The following DMXL2 variants were observed in gnomAD, a reference collection of about 807,000 sequenced individuals.
The protein encoded by DMXL2 is Dmx like 2, also known as dmX-like protein 2.
DMXL2 carries 103 observed loss-of-function variants against 331.1 expected under a neutral mutation model. That is an observed-to-expected ratio of 0.31 (90% CI 0.27 to 0.37). The LOEUF is 0.37. DMXL2 is among the 10% of genes least tolerant of loss of function. DMXL2 has a pLI of 1.00. For synonymous variants in DMXL2, 1,281 were observed against 1,252.1 expected (o/e 1.02, Z -0.49); for missense variants, 3,171 against 3,642.9 (o/e 0.87, Z 3.33).
rs147357773 is a variant in DMXL2, at chr15:51,496,120, C to T, written c.4673-986G>A. Among the ~76,000 whole-genome samples, 251 of 152,228 alleles carry T rather than the reference C, an allele frequency of 1.6e-3. 1 individual carries two copies. Among genetic ancestry groups the T allele is most frequent in the African/African-American group, 5.9e-3 (244 of 41,548 alleles). On this transcript the variant is annotated intron_variant, in intron 18 of 43. Coordinates refer to ENST00000560891, the MANE Select transcript of DMXL2 (RefSeq NM_001378457.1). ...TTAACCTCCCAAAGTGCTGCCATTA[C>T]AGGTGTGAGCCACCATGCTCATTCG...
At chr15:51,540,358 G>T (rs1218406203) in intron 9 of DMXL2, among the ~76,000 whole-genome samples, 1 of 152,146 alleles carries the variant, frequency 6.6e-6, no homozygotes, top group Non-Finnish European at 1.5e-5. Context: ...TACAGCTATG[G>T]AGGCAAATTC....
intron 19 of DMXL2, among the ~76,000 whole-genome samples, chr15:51,492,291 G>C (rs899783100): frequency 2.0e-5 from 3 of 152,214 alleles, no homozygotes; most frequent in African/African-American, 7.2e-5. Context: ...CGATTCCAGT[G>C]CCACTACCCC....
At chr15:51,532,329 A>G (rs2048046147) in intron 13 of DMXL2, among the ~76,000 whole-genome samples, 1 of 152,174 alleles carries the variant, frequency 6.6e-6, no homozygotes, top group Non-Finnish European at 1.5e-5. Context: ...GCTAAAAATC[A>G]AAACAACTGG....
intron 13 of DMXL2, among the ~76,000 whole-genome samples, chr15:51,532,133 A>G (rs1245215908): frequency 6.6e-6 from 1 of 152,106 alleles, no homozygotes; most frequent in Non-Finnish European, 1.5e-5. Flanking sequence ...AGTATCCATC[A>G]ACAGATGAAT....
At chr15:51,519,030 C>T (rs2047194220) in intron 13 of DMXL2, among the ~76,000 whole-genome samples, 3 of 151,984 alleles carry the variant, frequency 2.0e-5, no homozygotes, top group African/African-American at 7.3e-5. Flanking sequence ...TGTAAACAAT[C>T]CATAATGAGC....
At position 51,480,698 on chromosome 15, in the gene DMXL2, G is replaced by A; in HGVS notation, c.6408C>T (p.Ala2136=). Residue 2136 remains alanine (A), a synonymous_variant, in exon 24 of 44, where the codon GCC becomes GCT. Transcript: ENST00000560891. ...TTCGTCTTTCTGCATGCTCTCGTTT[G>A]GCCTGCAATCTTCTTCTTTCTATTT... ...RHQIERRRLQ[A]KREHAERRKS... 6.2e-7 allele frequency: 1 copy of A among 1,611,350 alleles called. No homozygotes were observed. The highest frequency in any genetic ancestry group is 8.5e-7 in the Non-Finnish European group (1 of 1,178,262).
chr15:51,565,087 C>T lies in DMXL2; in HGVS notation c.364+1G>A. 6.6e-7 allele frequency: 1 copy of T among 1,512,544 alleles called. No individual in the cohort carries two copies. The highest frequency in any genetic ancestry group is 8.8e-7 in the Non-Finnish European group (1 of 1,131,502). 93.7% of individuals were successfully genotyped at this position (1,512,544 alleles called of 1,614,324 possible). ...TAATTTTAAATACAATTGCTAAATA[C>T]CTTGAGGATCCCATGCTAAGTTGTA... On this transcript the variant is annotated splice_donor_variant, in intron 4 of 43. Coordinates refer to ENST00000560891, the MANE Select transcript of DMXL2 (RefSeq NM_001378457.1). LOFTEE classifies it high-confidence loss of function.
intron 13 of DMXL2, among the ~76,000 whole-genome samples, chr15:51,519,940 T>C (rs1365354428): frequency 6.6e-6 from 1 of 152,134 alleles, no homozygotes; most frequent in Non-Finnish European, 1.5e-5. Context: ...CACCCAGCCC[T>C]GAACTACGTT....
rs1366081826 is a variant in DMXL2, at chr15:51,448,940, T to C, written c.*44A>G. On this transcript the variant is annotated 3_prime_UTR_variant, in exon 44 of 44. Coordinates refer to ENST00000560891, the MANE Select transcript of DMXL2 (RefSeq NM_001378457.1). ...CAGAATTGCCTAGTGATGACTGTAG[T>C]GTGCCTTTTAACTGAAATGTATATA... 3 of 1,574,448 alleles carry C rather than the reference T, an allele frequency of 1.9e-6. No homozygotes were observed. Among genetic ancestry groups the C allele is most frequent in the Non-Finnish European group, 2.6e-6 (3 of 1,150,832 alleles).
chr15:51,476,159 ACT>A (rs2041565120), intron 27 of DMXL2, among the ~76,000 whole-genome samples: 3 of 152,156 alleles, frequency 2.0e-5, no homozygotes, highest in African/African-American at 7.2e-5. Flanking sequence ...GAAAAAAAGG[ACT>A]GTCAGACAGC....
intron 26 of DMXL2, among the ~76,000 whole-genome samples, chr15:51,477,924 A>G (rs1244388229): frequency 6.6e-6 from 1 of 152,108 alleles, no homozygotes; most frequent in East Asian, 1.9e-4. Context: ...AATTAGTTAA[A>G]TAGCTGCTAA....
intron 13 of DMXL2, among the ~76,000 whole-genome samples, chr15:51,521,974 A>G (rs901037782): frequency 3.3e-5 from 5 of 152,170 alleles, no homozygotes; most frequent in African/African-American, 1.2e-4. Context: ...AGCACACACT[A>G]TACCACCCTA....
intron 1 of DMXL2, among the ~76,000 whole-genome samples, chr15:51,614,455 G>A (rs1477125582): frequency 6.6e-6 from 1 of 152,142 alleles, no homozygotes; most frequent in Non-Finnish European, 1.5e-5. Flanking sequence ...GAAAATTTGA[G>A]AACCACCTGT....
chr15:51,490,895 A>T (rs1267403987), intron 20 of DMXL2, among the ~76,000 whole-genome samples: 1 of 152,256 alleles, frequency 6.6e-6, no homozygotes, highest in Non-Finnish European at 1.5e-5. Context: ...TACTTATTCA[A>T]CTAGTGATGC....
At chr15:51,525,103 T>C (rs1156698248) in intron 13 of DMXL2, among the ~76,000 whole-genome samples, 2 of 151,626 alleles carry the variant, frequency 1.3e-5, no homozygotes, top group African/African-American at 4.8e-5. Context: ...AGGCTCCCTT[T>C]CCAGGCCCTA....
intron 20 of DMXL2, among the ~76,000 whole-genome samples, chr15:51,490,161 G>T (rs2042692071): frequency 6.6e-6 from 1 of 152,150 alleles, no homozygotes; most frequent in South Asian, 2.1e-4. Flanking sequence ...TTTGAGAAAA[G>T]AAATACTGAT....
At position 51,565,179 on chromosome 15, in the gene DMXL2, G is replaced by A. The variant is rs2050191588; in HGVS notation, c.286-13C>T. 1 of 1,535,538 alleles carries A rather than the reference G, an allele frequency of 6.5e-7. No individual in the cohort carries two copies. The highest frequency in any genetic ancestry group is 8.8e-7 in the Non-Finnish European group (1 of 1,142,834). On this transcript the variant is annotated splice_polypyrimidine_tract_variant and intron_variant, in intron 3 of 43. Transcript: ENST00000560891. The stretch of plus-strand genomic sequence containing the variant: ...GGCACTTGAGTTGCTGAAATACGTA[G>A]ACAAAAAGAAATAAGAAAAAAGAAA...
At chr15:51,480,184 T>A (rs543542995) in intron 24 of DMXL2, 45 bp from the exon 25 acceptor site, 265 of 1,452,002 alleles carry the variant, frequency 1.8e-4, no homozygotes, top group African/African-American at 3.5e-4. Flanking sequence ...GTTTAAAAAA[T>A]TTTATCAGTT....
At chr15:51,591,268 G>C (rs975172081) in intron 1 of DMXL2, among the ~76,000 whole-genome samples, 4 of 152,218 alleles carry the variant, frequency 2.6e-5, no homozygotes, top group Non-Finnish European at 5.9e-5. Context: ...TTAGCAAACA[G>C]CACACCAGGA....
Sources: gnomAD v4.1 joint callset for allele counts (sites outside exome capture counted in the v4.1 genomes callset) on GRCh38, gnomAD v4.1.1 for gene constraint, MANE v1.5 for transcripts, NCBI Gene and HGNC (gene_info 2026-07-23, HGNC 2026-07-21) for gene names.